ITK: variants seen among roughly 807,000 people sequenced by gnomAD.
The protein encoded by ITK is tyrosine-protein kinase ITK/TSK.
ITK carries 45 observed loss-of-function variants against 87.6 expected under a neutral mutation model. That is an observed-to-expected ratio of 0.51 (90% CI 0.40 to 0.66). ITK has a LOEUF of 0.66. Among genes scored for constraint, ITK ranks in the 30% least tolerant of loss-of-function variants. ITK has a pLI of 0.00. For missense variants in ITK, 605 were observed against 766.3 expected (o/e 0.79, Z 2.48); for synonymous variants, 303 against 273.6 (o/e 1.11, Z -1.06).
chr5:157,238,090 T>C lies in ITK; in HGVS notation c.769-19T>C, dbSNP rs986349805. 3.8e-6 allele frequency: 6 copies of C among 1,598,208 alleles called. No homozygotes were observed. The highest frequency in any genetic ancestry group is 4.3e-6 in the Non-Finnish European group (5 of 1,165,640). The stretch of plus-strand genomic sequence containing the variant: ...GTTTCCTGAGATCACTAACTTTCCA[T>C]TCTTTCTAACCATTCCAGGGCAAAG... On this transcript the variant is annotated intron_variant, in intron 8 of 16. Transcript: ENST00000422843.
At chr5:157,193,226 G>C (rs1753786867) in intron 1 of ITK, among the ~76,000 whole-genome samples, 1 of 152,118 alleles carries the variant, frequency 6.6e-6, no homozygotes. Flanking sequence ...ATCTCTCTTT[G>C]TTTTTAAGTG....
chr5:157,201,278 G>T (rs1419872097), intron 1 of ITK, among the ~76,000 whole-genome samples: 1 of 149,126 alleles, frequency 6.7e-6, no homozygotes, highest in Non-Finnish European at 1.5e-5. Flanking sequence ...CTGTAAGTTT[G>T]GGAACAAGAC....
chr5:157,206,864 T>C (rs907535825), intron 1 of ITK, among the ~76,000 whole-genome samples: 3 of 152,162 alleles, frequency 2.0e-5, no homozygotes, highest in African/African-American at 7.2e-5. Context: ...TTTGAATAAT[T>C]TTTTGTGTCT....
intron 1 of ITK, among the ~76,000 whole-genome samples, chr5:157,189,941 C>T (rs552069442): frequency 3.7e-4 from 56 of 152,272 alleles, no homozygotes; most frequent in African/African-American, 1.3e-3. Flanking sequence ...TAATTTTCAT[C>T]CAGAGGTCAG....
At position 157,215,251 on chromosome 5, in the gene ITK, C is replaced by T. The variant is rs553348678; in HGVS notation, c.454+932C>T. ...TGTTTTCCTTCCATTTTCCTCTCTT[C>T]TCAACCTCTTTTGCCATAGTTTCCC... On this transcript the variant is annotated intron_variant, in intron 4 of 16. Transcript: ENST00000422843. Among the ~76,000 whole-genome samples the T allele has an allele frequency of 3.9e-5, 6 of 152,292 alleles. No homozygotes were observed. The South Asian group carries it at 1.2e-3, about 32-fold the overall frequency.
intron 1 of ITK, chr5:157,195,903 A>G (rs1380683530): frequency 6.6e-6 from 1 of 152,242 alleles, no homozygotes; most frequent in Non-Finnish European, 1.5e-5. Flanking sequence ...ATGCACAATG[A>G]GAAATGAACA....
At chr5:157,249,041 G>A (rs773836702) in intron 16 of ITK, 34 bp downstream of exon 16, 28 of 1,599,754 alleles carry the variant, frequency 1.8e-5, no homozygotes, top group South Asian at 1.4e-4. Flanking sequence ...ATGCATTGTC[G>A]TATACAATTT....
At chr5:157,248,297 G>A (rs1755061643) in intron 15 of ITK, among the ~76,000 whole-genome samples, 1 of 152,190 alleles carries the variant, frequency 6.6e-6, no homozygotes. Flanking sequence ...AAAAGAAAGG[G>A]ATTAAATCAG....
intron 1 of ITK, among the ~76,000 whole-genome samples, chr5:157,192,317 T>C (rs1213295071): frequency 6.6e-6 from 1 of 152,188 alleles, no homozygotes. Flanking sequence ...TTCCCATGAA[T>C]GAGCTCTTTG....
chr5:157,202,352 T>A (rs1181135231), intron 1 of ITK, among the ~76,000 whole-genome samples: 2 of 152,186 alleles, frequency 1.3e-5, no homozygotes, highest in Non-Finnish European at 2.9e-5. Flanking sequence ...TGCCTGAGAT[T>A]ACAGGTGTGC....
At chr5:157,229,566 A>C (rs1278406147) in intron 7 of ITK, among the ~76,000 whole-genome samples, 1 of 152,242 alleles carries the variant, frequency 6.6e-6, no homozygotes, top group African/African-American at 2.4e-5. Context: ...TCTTCAAAAA[A>C]AAATGTTAAT....
intron 1 of ITK, among the ~76,000 whole-genome samples, chr5:157,204,405 CA>C (rs1179006386): frequency 1.3e-5 from 2 of 151,592 alleles, no homozygotes; most frequent in Non-Finnish European, 2.9e-5. Flanking sequence ...TACTAAAATA[CA>C]AAAAAAATTG....
intron 8 of ITK, among the ~76,000 whole-genome samples, chr5:157,232,812 C>T (rs764719947): frequency 3.3e-4 from 50 of 152,090 alleles, no homozygotes; most frequent in Non-Finnish European, 2.5e-4. Context: ...ACATCATCAC[C>T]GCTGCAGCAG....
At chr5:157,246,085 C>T (rs927319451) in intron 15 of ITK, 86 bp downstream of exon 15, 1 of 924,512 alleles carries the variant, frequency 1.1e-6, no homozygotes, top group Non-Finnish European at 1.8e-6. Flanking sequence ...ACCCTACCCA[C>T]ACTGAACCCT....
chr5:157,217,412 C>T (rs1754320357), intron 4 of ITK, among the ~76,000 whole-genome samples: 1 of 152,156 alleles, frequency 6.6e-6, no homozygotes, highest in Non-Finnish European at 1.5e-5. Context: ...GCACAATGAC[C>T]TCCCACCTCA....
At position 157,248,980 on chromosome 5, in the gene ITK, C is replaced by T; in HGVS notation, c.1764C>T (p.Tyr588=). The T allele has an allele frequency of 6.2e-7, 1 of 1,613,892 alleles. No homozygotes were observed. The highest frequency in any genetic ancestry group is 8.5e-7 in the Non-Finnish European group (1 of 1,179,798). Residue 588 remains tyrosine, a synonymous_variant, in exon 16 of 17, where the codon TAC becomes TAT. Coordinates refer to ENST00000422843, the MANE Select transcript of ITK (RefSeq NM_005546.4). ...YKPRLASTHV[Y]QIMNHCWKER... ...CCCGGCTGGCCTCCACACACGTCTA[C>T]CAGATTATGAATCACTGCTGGAAAG...
chr5:157,209,058 G>A (rs544701669), intron 2 of ITK, 65 bp downstream of exon 2: 35 of 1,082,408 alleles, frequency 3.2e-5, no homozygotes, highest in East Asian at 2.4e-4. Flanking sequence ...AGTCACAGCC[G>A]GGTGCAGTGG....
chr5:157,227,139 G>T (rs1432068164), intron 6 of ITK, among the ~76,000 whole-genome samples: 2 of 152,142 alleles, frequency 1.3e-5, no homozygotes, highest in East Asian at 3.9e-4. Flanking sequence ...TCTTTTTACA[G>T]ATTGACAGAG....
At chr5:157,232,609 G>T (rs1014396791) in intron 8 of ITK, among the ~76,000 whole-genome samples, 1 of 135,228 alleles carries the variant, frequency 7.4e-6, no homozygotes, top group Non-Finnish European at 1.6e-5. Context: ...GAGGGAGGGA[G>T]GGAGGGAAGA....
Sources: gnomAD v4.1 joint callset for allele counts (sites outside exome capture counted in the v4.1 genomes callset) on GRCh38, gnomAD v4.1.1 for gene constraint, MANE v1.5 for transcripts, NCBI Gene and HGNC (gene_info 2026-07-23, HGNC 2026-07-21) for gene names.